Variants in RGS7 observed in about 807,000 individuals in gnomAD.
RGS7 encodes the protein regulator of G protein signaling 7, also known as regulator of G-protein signaling 7.
A neutral mutation model predicts 81.1 loss-of-function variants in RGS7; 27 were observed. The observed-to-expected ratio is 0.33, with a 90% CI of 0.25 to 0.46. RGS7 has a LOEUF of 0.46. Among genes scored for constraint, RGS7 ranks in the 20% least tolerant of loss-of-function variants. The pLI is 1.00. For synonymous variants in RGS7, 208 were observed against 207.7 expected, an observed-to-expected ratio of 1.00 and a Z score of -0.01; for missense variants, 396 against 607.4, an observed-to-expected ratio of 0.65 and a Z score of 3.66.
In RGS7 at chr1:240,797,062, A is replaced by C. The variant is rs998617849; in HGVS notation, c.*6+3579T>G. Among the ~76,000 whole-genome samples, 26 of 152,152 alleles carry C rather than the reference A, an allele frequency of 1.7e-4. 1 individual carries two copies. The highest frequency in any genetic ancestry group is 4.4e-5 in the Non-Finnish European group (3 of 68,018). On this transcript the variant is annotated intron_variant, in intron 18 of 18. Transcript: ENST00000440928. ...TGTAGCCCAGAGCCAGGCTGATTTA[A>C]TTTCCACTTCACACAAAGACAAAAC... is the stretch of plus-strand genomic sequence containing the variant.
At chr1:240,909,511 T>A (rs1671379905) in intron 6 of RGS7, among the ~76,000 whole-genome samples, 1 of 152,168 alleles carries the variant, frequency 6.6e-6, no homozygotes, top group Admixed American at 6.5e-5. Context: ...ATGGAATCTT[T>A]TACCCTACCT....
intron 2 of RGS7, among the ~76,000 whole-genome samples, chr1:241,202,569 G>A (rs1405009037): frequency 6.6e-6 from 1 of 152,186 alleles, no homozygotes; most frequent in Non-Finnish European, 1.5e-5. Context: ...GGGCAAAAAG[G>A]GAATGATCTA....
intron 2 of RGS7, among the ~76,000 whole-genome samples, chr1:241,182,751 T>C (rs1214009776): frequency 1.3e-5 from 2 of 150,552 alleles, no homozygotes; most frequent in African/African-American, 4.9e-5. Flanking sequence ...CGGGTTCCAG[T>C]GATTCTCCTG....
chr1:241,292,267 T>C (rs1210013785), intron 2 of RGS7, among the ~76,000 whole-genome samples: 2 of 152,202 alleles, frequency 1.3e-5, no homozygotes, highest in South Asian at 2.1e-4. Flanking sequence ...AACTATAGTA[T>C]AGTAAATACA....
chr1:240,904,263 T>C (rs1261428770), intron 6 of RGS7, among the ~76,000 whole-genome samples: 2 of 152,170 alleles, frequency 1.3e-5, no homozygotes, highest in Non-Finnish European at 2.9e-5. Context: ...GTGAGTAATA[T>C]AATACCTTCT....
At chr1:241,010,698 C>A (rs529900172) in intron 3 of RGS7, among the ~76,000 whole-genome samples, 9 of 152,272 alleles carry the variant, frequency 5.9e-5, no homozygotes, top group African/African-American at 2.2e-4. Flanking sequence ...AGGCCCTTTG[C>A]GGTTTTGTGA....
At chr1:241,104,443 T>C (rs377102448) in intron 2 of RGS7, among the ~76,000 whole-genome samples, 1 of 152,106 alleles carries the variant, frequency 6.6e-6, no homozygotes, top group South Asian at 2.1e-4. Context: ...AGGGGAAATA[T>C]TTGTGCATAT....
chr1:241,283,936 G>C (rs981855745), intron 2 of RGS7, among the ~76,000 whole-genome samples: 10 of 152,018 alleles, frequency 6.6e-5, no homozygotes, highest in Non-Finnish European at 7.4e-5. Flanking sequence ...TTTGGTTATT[G>C]TATTTTTTAG....
intron 18 of RGS7, among the ~76,000 whole-genome samples, chr1:240,788,685 A>G (rs997379707): frequency 6.6e-6 from 1 of 152,226 alleles, no homozygotes. Context: ...TATTTGTGTG[A>G]TGATTTTTAA....
intron 2 of RGS7, among the ~76,000 whole-genome samples, chr1:241,123,521 C>T (rs1349150310): frequency 6.6e-6 from 1 of 152,158 alleles, no homozygotes; most frequent in African/African-American, 2.4e-5. Flanking sequence ...GATGCCAAGG[C>T]GGGTGGATCA....
chr1:240,936,200 A>T (rs188551031), intron 5 of RGS7, among the ~76,000 whole-genome samples: 8 of 152,332 alleles, frequency 5.3e-5, no homozygotes, highest in Admixed American at 5.2e-4. Flanking sequence ...GAGTTTATTA[A>T]TTAGCTGAAT....
At chr1:240,797,376 A>T (rs187612333) in intron 18 of RGS7, among the ~76,000 whole-genome samples, 1 of 151,924 alleles carries the variant, frequency 6.6e-6, no homozygotes, top group Non-Finnish European at 1.5e-5. Flanking sequence ...TTTCAGACAG[A>T]GTTTCTCTTT....
At chr1:240,813,760 GT>G in intron 12 of RGS7, 32 bp from the exon 13 acceptor site, 1 of 1,430,188 alleles carries the variant, frequency 7.0e-7, no homozygotes, top group African/African-American at 1.4e-5. Context: ...AGTTTCTTTA[GT>G]TTTCTGACTG....
chr1:241,049,506 C>G (rs2061134739), intron 3 of RGS7, among the ~76,000 whole-genome samples: 1 of 152,184 alleles, frequency 6.6e-6, no homozygotes. Flanking sequence ...AAACTTTCCT[C>G]ATGACTTTGC....
intron 3 of RGS7, among the ~76,000 whole-genome samples, chr1:241,073,292 G>A (rs568589635): frequency 1.3e-5 from 2 of 152,250 alleles, no homozygotes; most frequent in African/African-American, 2.4e-5. Context: ...GGGGAAGAAC[G>A]GGAGACTAAC....
intron 7 of RGS7, 87 bp downstream of exon 7, chr1:240,869,968 A>G (rs1001105918): frequency 9.4e-7 from 1 of 1,061,584 alleles, no homozygotes; most frequent in Non-Finnish European, 1.5e-6. Context: ...CCATGAATGA[A>G]GAGTTAACAT....
At chr1:240,842,235 GTCAC>G (rs1658194855) in intron 9 of RGS7, among the ~76,000 whole-genome samples, 1 of 28,016 alleles carries the variant, frequency 3.6e-5, no homozygotes, top group Non-Finnish European at 1.1e-4. Flanking sequence ...GTCTCACTCT[GTCAC>G]CCAGGCTGGA....
intron 2 of RGS7, among the ~76,000 whole-genome samples, chr1:241,110,186 G>A (rs568403541): frequency 6.6e-6 from 1 of 152,118 alleles, no homozygotes; most frequent in South Asian, 2.1e-4. Flanking sequence ...TTTAAATTCA[G>A]AGTTAATGAA....
chr1:240,924,416 T>C (rs1199470332), intron 6 of RGS7, among the ~76,000 whole-genome samples: 1 of 152,136 alleles, frequency 6.6e-6, no homozygotes, highest in Non-Finnish European at 1.5e-5. Flanking sequence ...CCATTGAACA[T>C]TTACTGAGGC....
Sources: gnomAD v4.1 joint callset for allele counts (sites outside exome capture counted in the v4.1 genomes callset) on GRCh38, gnomAD v4.1.1 for gene constraint, MANE v1.5 for transcripts, NCBI Gene and HGNC (gene_info 2026-07-23, HGNC 2026-07-21) for gene names.